The following DUSP15 variants were observed in gnomAD, a reference collection of about 807,000 sequenced individuals.
DUSP15 encodes dual specificity phosphatase 15.
Under a neutral mutation model 26.3 loss-of-function variants are expected in DUSP15, and 23 were observed. The observed-to-expected ratio is 0.87, with a 90% CI of 0.63 to 1.24. DUSP15 has a LOEUF of 1.24. Among genes scored for constraint, DUSP15 ranks in the 50% most tolerant of loss-of-function variants. The probability of loss-of-function intolerance (pLI) is 0.00; values close to 1 mark genes in which losing one functional copy is unlikely to be tolerated. For synonymous variants in DUSP15, 143 were observed against 135.5 expected (o/e 1.06, Z -0.39); for missense variants, 364 against 320.6 (o/e 1.14, Z -1.03).
intron 6 of DUSP15, among the ~76,000 whole-genome samples, 162 bp downstream of exon 6, chr20:31,862,409 A>C (rs990214101): frequency 1.3e-5 from 2 of 152,180 alleles, no homozygotes. Flanking sequence ...TGTCTAACAA[A>C]ATACACCTAG....
chr20:31,849,315 A>G (rs138272524), intron 8 of DUSP15, among the ~76,000 whole-genome samples: 4 of 152,032 alleles, frequency 2.6e-5, no homozygotes, highest in African/African-American at 7.2e-5. Flanking sequence ...CTGTATCCGT[A>G]TATGTGCCCC....
chr20:31,861,084 G>C lies in DUSP15; in HGVS notation c.*319C>G. 1 of 1,177,898 alleles carries C rather than the reference G, an allele frequency of 8.5e-7. No homozygotes were observed. The highest frequency in any genetic ancestry group is 1.0e-6 in the Non-Finnish European group (1 of 953,650). 73.0% of individuals were successfully genotyped at this position (1,177,898 alleles called of 1,614,324 possible). A position where few individuals can be genotyped will look rare whatever the true frequency, so the allele number is the denominator to read the frequency against. On this transcript the variant is annotated 3_prime_UTR_variant, in exon 7 of 7. Transcript: ENST00000339738. The stretch of plus-strand genomic sequence containing the variant: ...GGCACTCGGACAGGCAGCTTCTTCT[G>C]TGTCTCTTTAATACCCTCCAGGCCC...
chr20:31,848,515 TGAGGCACTTA>T lies in DUSP15; in HGVS notation c.767_776del (p.Leu256GlnfsTer92). 1 of 1,608,302 alleles carries T rather than the reference TGAGGCACTTA, an allele frequency of 6.2e-7. No individual in the cohort carries two copies. The highest frequency in any genetic ancestry group is 8.5e-7 in the Non-Finnish European group (1 of 1,178,224). ...TTGAGGACCCATCTGGGCGCTCGGTTGAGGCACTTAGAGTGCAGGACGAGCTCCCAGGCCG... is the reference window on the plus strand; with the variant it reads ...TTGAGGACCCATCTGGGCGCTCGGTTGAGTGCAGGACGAGCTCCCAGGCCG... On this transcript the variant is annotated frameshift_variant, in exon 10 of 10. Transcript: ENST00000278979. LOFTEE classifies it low-confidence loss of function (END_TRUNC).
downstream of DUSP15, among the ~76,000 whole-genome samples, chr20:31,846,440 A>AAGAG (rs1385705408): frequency 2.6e-4 from 25 of 95,336 alleles, 1 homozygote; most frequent in African/African-American, 1.5e-3. Context: ...GAAAGGAATG[A>AAGAG]ATAGAGAGAG....
Position 31,870,364 on chromosome 20 carries a change from A to G in DUSP15, c.-27T>C. On this transcript the variant is annotated 5_prime_UTR_variant, in exon 1 of 7. Transcript: ENST00000339738. The surrounding 1 kb of genome is among the most constrained non-coding windows in gnomAD (Gnocchi z 6.6). Reference sequence around the variant, plus strand: ...ATCCCGGGGGCGGCGGTCCGGGTGCACCCCCAGCTCGCCGCCCGGGAAGCG... The same window carrying G: ...ATCCCGGGGGCGGCGGTCCGGGTGCGCCCCCAGCTCGCCGCCCGGGAAGCG... The G allele has an allele frequency of 7.8e-7, 1 of 1,274,918 alleles. No homozygotes were observed. The highest frequency in any genetic ancestry group is 2.4e-4 in the Middle Eastern group (1 of 4,116). The allele number at this position is 1,274,918 out of a possible 1,614,324, so 79.0% of individuals were successfully genotyped here.
chr20:31,870,072 CCACA>C lies in DUSP15; in HGVS notation c.21+241_21+244del. ...CTGGGAGACAGCCTGGGAGTGACAG[CCACA>C]GCAAGACAGCGAGAGACACACAGAG... On this transcript the variant is annotated intron_variant, in intron 1 of 6. Coordinates refer to ENST00000339738, the MANE Select transcript of DUSP15 (RefSeq NM_080611.5). The surrounding 1 kb of genome is among the most constrained non-coding windows in gnomAD (Gnocchi z 6.6). The C allele has an allele frequency of 7.9e-7, 1 of 1,260,270 alleles. No homozygotes were observed. The highest frequency in any genetic ancestry group is 1.0e-6 in the Non-Finnish European group (1 of 1,003,160). 78.1% of individuals were successfully genotyped at this position (1,260,270 alleles called of 1,614,324 possible).
upstream of DUSP15, chr20:31,870,554 C>G: frequency 1.4e-6 from 2 of 1,457,408 alleles, no homozygotes; most frequent in Non-Finnish European, 9.0e-7. This position sits in a 1 kb window ranked among gnomAD's most constrained non-coding sequence, Gnocchi z 6.6. Flanking sequence ...CTGCCACCGC[C>G]GCCGCCGCAG....
At chr20:31,845,623 G>A, downstream of DUSP15, 1 of 1,540,360 alleles carries the variant, frequency 6.5e-7, no homozygotes, top group Middle Eastern at 2.3e-4. Flanking sequence ...GCCTGCCCAG[G>A]CTGGTTAAAA....
intron 6 of DUSP15, 42 bp downstream of exon 6, chr20:31,862,529 C>T: frequency 6.5e-7 from 1 of 1,536,990 alleles, no homozygotes; most frequent in Admixed American, 2.0e-5. Flanking sequence ...GAAGAAGGAT[C>T]TCCCACCCCT....
chr20:31,849,770 C>T (rs772990841), exon 8 of DUSP15: 4 of 1,539,756 alleles, frequency 2.6e-6, no homozygotes, highest in East Asian at 2.4e-5. Flanking sequence ...CCCCAGCAGG[C>T]GCTCGGCGGC....
chr20:31,861,738 G>GGGGCGGGCC, intron 6 of DUSP15, 63 bp from the exon 7 acceptor site: 1 of 1,290,716 alleles, frequency 7.7e-7, no homozygotes, highest in Non-Finnish European at 1.0e-6. Flanking sequence ...AAGGCAGCCG[G>GGGGCGGGCC]CCCCGCCCCC....
downstream of DUSP15, among the ~76,000 whole-genome samples, chr20:31,857,044 AG>A (rs2062572453): frequency 6.6e-6 from 1 of 152,060 alleles, no homozygotes; most frequent in Non-Finnish European, 1.5e-5. Flanking sequence ...CATTATCAAG[AG>A]GGACAGAAGC....
chr20:31,868,573 G>A (rs917313511), intron 2 of DUSP15, among the ~76,000 whole-genome samples: 8 of 149,222 alleles, frequency 5.4e-5, no homozygotes, highest in Non-Finnish European at 8.9e-5. Context: ...CCCGCCTCCC[G>A]GGTTCAAGTG....
chr20:31,848,288 A>G, exon 10 of DUSP15: 1 of 1,235,722 alleles, frequency 8.1e-7, no homozygotes, highest in Non-Finnish European at 1.1e-6. Context: ...GAAGGCCGCG[A>G]TCCACCTCTG....
chr20:31,861,757 G>T, intron 6 of DUSP15, 82 bp from the exon 7 acceptor site: 1 of 1,009,058 alleles, frequency 9.9e-7, no homozygotes, highest in Non-Finnish European at 1.2e-6. Context: ...CCACCCTCCC[G>T]ACCTTCGCCC....
chr20:31,845,639 A>T, downstream of DUSP15: 1 of 1,450,602 alleles, frequency 6.9e-7, no homozygotes, highest in Non-Finnish European at 9.3e-7. Context: ...TAAAAGGTCC[A>T]CTGGCCCAGC....
chr20:31,846,442 T>TAGAGAGAGAGAGAGAGAGAGAG (rs71185371), downstream of DUSP15, among the ~76,000 whole-genome samples: 23 of 107,852 alleles, frequency 2.1e-4, no homozygotes, highest in African/African-American at 9.2e-4. Flanking sequence ...AAGGAATGAA[T>TAGAGAGAGAGAGAGAGAGAGAG]AGAGAGAGAG....
intron 6 of DUSP15, among the ~76,000 whole-genome samples, chr20:31,853,976 T>C (rs565989613): frequency 1.6e-4 from 24 of 152,176 alleles, no homozygotes; most frequent in Non-Finnish European, 2.8e-4. Context: ...AAAACCTGGA[T>C]GGAGCCTGAT....
rs1237434230 is a variant in DUSP15, at chr20:31,861,695, TGGGCGGGGTCAAGGCCGGCGCG to T, written c.436-42_436-21del. 2.3e-4 allele frequency: 43 copies of T among 188,560 alleles called. No individual in the cohort carries two copies. The highest frequency in any genetic ancestry group is 3.0e-4 in the Non-Finnish European group (34 of 113,992). The allele number at this position is 188,560 out of a possible 1,614,324, so 11.7% of individuals were successfully genotyped here. ...GCGAAGCTGGGGTGGGCGGGTGAGG[TGGGCGGGGTCAAGGCCGGCGCG>T]GGGCGGGGTCAAGGCAGCCGGCCCC... On this transcript the variant is annotated intron_variant, in intron 6 of 6. Coordinates refer to ENST00000339738, the MANE Select transcript of DUSP15 (RefSeq NM_080611.5).
Sources: allele counts gnomAD v4.1 joint callset (sites outside exome capture counted in the v4.1 genomes callset), GRCh38; gene constraint gnomAD v4.1.1; non-coding constraint Gnocchi (gnomAD v3.1); transcripts MANE v1.5; gene names NCBI Gene and HGNC (gene_info 2026-07-23, HGNC 2026-07-21).